Variants in NCAPD2 observed in about 807,000 individuals in gnomAD.
The protein encoded by NCAPD2 is condensin complex subunit 1.
A neutral mutation model predicts 164.5 loss-of-function variants in NCAPD2; 100 were observed. That is an observed-to-expected ratio of 0.61 (90% CI 0.52 to 0.72). The LOEUF (loss-of-function observed/expected upper bound fraction) is 0.72, where lower values mean the gene tolerates loss of function less well. Among genes scored for constraint, NCAPD2 ranks in the 30% least tolerant of loss-of-function variants. NCAPD2 has a pLI of 0.00. For missense variants in NCAPD2, 1,560 were observed against 1,749.2 expected (o/e 0.89, Z 1.93); for synonymous variants, 585 against 642.6 (o/e 0.91, Z 1.36).
Position 6,507,879 on chromosome 12 carries a change from G to A in NCAPD2, c.128-1838G>A, listed in dbSNP as rs148096319. Among the ~76,000 whole-genome samples, 144 of 152,222 alleles carry A rather than the reference G, an allele frequency of 9.5e-4. 1 individual carries two copies. The highest frequency in any genetic ancestry group is 3.3e-3 in the African/African-American group (136 of 41,540). ...AAAGGAAAAAAGGTTGTGGGGGAGTGCTATGAATTAAAGAATAGAGGATTG... is the reference window on the plus strand; with the variant it reads ...AAAGGAAAAAAGGTTGTGGGGGAGTACTATGAATTAAAGAATAGAGGATTG... On this transcript the variant is annotated intron_variant, in intron 2 of 31. Transcript: ENST00000315579.
chr12:6,522,714 G>A (rs1054980962), intron 15 of NCAPD2, 114 bp from the exon 16 acceptor site: 96 of 1,164,910 alleles, frequency 8.2e-5, no homozygotes, highest in Non-Finnish European at 1.1e-4. Context: ...GACATTCTCA[G>A]GGAAAATGCG....
intron 13 of NCAPD2, 48 bp from the exon 14 acceptor site, chr12:6,520,938 G>A (rs561413815): frequency 4.3e-6 from 7 of 1,611,200 alleles, no homozygotes; most frequent in African/African-American, 4.0e-5. Context: ...CCTTACAAAC[G>A]GCTGCAGTGA....
Position 6,517,012 on chromosome 12 carries a change from T to A in NCAPD2, c.1172T>A (p.Ile391Asn). The A allele has an allele frequency of 6.2e-7, 1 of 1,614,148 alleles. No homozygotes were observed. Among genetic ancestry groups the A allele is most frequent in the Non-Finnish European group, 8.5e-7 (1 of 1,180,028 alleles). The change falls in exon 10 of 32, where the codon ATT becomes AAT. Residue 391 changes from isoleucine (I) to asparagine (N), a missense_variant. Transcript: ENST00000315579. The stretch of plus-strand genomic sequence containing the variant: ...CGTGTTTTGCAGCTCTTCACCCGAA[T>A]TGTCCAGCAGAAGGTAACCAACTTC... The part of the protein sequence containing the change: ...RSRVLQLFTR[I>N]VQQKALPLTR...
intron 22 of NCAPD2, among the ~76,000 whole-genome samples, chr12:6,527,412 C>T (rs1296381164): frequency 6.6e-6 from 1 of 152,236 alleles, no homozygotes; most frequent in Non-Finnish European, 1.5e-5. Flanking sequence ...GTGTTCCCTC[C>T]ACTAGAGGCA....
intron 4 of NCAPD2, 70 bp from the exon 5 acceptor site, chr12:6,510,559 C>G (rs758131692): frequency 6.6e-7 from 1 of 1,523,778 alleles, no homozygotes. Flanking sequence ...GCTGCAAGTG[C>G]TGGGTGTTTT....
Position 6,495,271 on chromosome 12 carries a change from A to G in NCAPD2, c.127+46A>G, listed in dbSNP as rs775414743. ...CTGTACCTAGCTCTTTCAAAGGACC[A>G]TCTCACATGGAATTGCTACATTGTC... On this transcript the variant is annotated intron_variant, in intron 2 of 31. Transcript: ENST00000315579. 4 of 1,604,606 alleles carry G rather than the reference A, an allele frequency of 2.5e-6. No individual in the cohort carries two copies. The South Asian group carries it at 3.3e-5, about 13-fold the overall frequency.
chr12:6,523,676 C>T (rs1403706843), intron 17 of NCAPD2, among the ~76,000 whole-genome samples: 1 of 152,188 alleles, frequency 6.6e-6, no homozygotes, highest in African/African-American at 2.4e-5. Context: ...GGATTACAGG[C>T]GTGAGCCAAA....
Position 6,514,374 on chromosome 12 carries a change from C to T in NCAPD2, c.697C>T (p.Arg233Cys), listed in dbSNP as rs764486667. 7.4e-6 allele frequency: 12 copies of T among 1,614,052 alleles called. No individual in the cohort carries two copies. Among genetic ancestry groups the T allele is most frequent in the Middle Eastern group, 3.3e-4 (2 of 6,084 alleles). The change falls in exon 7 of 32, where the codon CGT (arginine) becomes TGT (cysteine). Residue 233 changes from arginine to cysteine, a missense_variant. Arg to Cys is a radical substitution (Grantham distance 180). Coordinates refer to ENST00000315579, the MANE Select transcript of NCAPD2 (RefSeq NM_014865.4). ...ITHLLGVALTRYNHMLSATVK... is the reference protein window; with the variant it reads ...ITHLLGVALTCYNHMLSATVK... ...ACACCTGCTTGGTGTAGCCTTGACC[C>T]GTTATAACCATATGCTCAGTAAGTT...
intron 15 of NCAPD2, 50 bp from the exon 16 acceptor site, chr12:6,522,778 T>C (rs1418514870): frequency 1.3e-6 from 2 of 1,593,586 alleles, no homozygotes; most frequent in Non-Finnish European, 1.7e-6. Flanking sequence ...CGTTAGGTAT[T>C]GGGGGAGTTT....
rs550762161 is a variant in NCAPD2, at chr12:6,528,111, C to G, written c.3143+20C>G. ...GATCAGGTAGGCCGTGGGGTTGGTA[C>G]CCCCTTCTCAAGGAAGATGGGGATG... On this transcript the variant is annotated intron_variant, in intron 24 of 31. Transcript: ENST00000315579. The surrounding 1 kb of genome is among the most constrained non-coding windows in gnomAD (Gnocchi z 5.1). 6.2e-7 allele frequency: 1 copy of G among 1,614,074 alleles called. No individual in the cohort carries two copies. The highest frequency in any genetic ancestry group is 8.5e-7 in the Non-Finnish European group (1 of 1,180,028).
intron 2 of NCAPD2, among the ~76,000 whole-genome samples, chr12:6,504,950 C>G (rs1946085637): frequency 6.6e-6 from 1 of 152,136 alleles, no homozygotes; most frequent in African/African-American, 2.4e-5. Flanking sequence ...GGAACACTTC[C>G]AGCATCACTA....
In NCAPD2 at chr12:6,527,040, A is replaced by C; in HGVS notation, c.2884A>C (p.Lys962Gln). Reference protein sequence around the residue: ...RRVLREEQEHKTKDPKEKNTS... With the variant: ...RRVLREEQEHQTKDPKEKNTS... ...AGTTCTCCGGGAAGAACAGGAGCAC[A>C]AGACCAAAGATCCCAAGGAGAAGGT... The change falls in exon 22 of 32, where the codon AAG (lysine) becomes CAG (glutamine). Residue 962 changes from lysine (K) to glutamine (Q), a missense_variant. Transcript: ENST00000315579. The C allele has an allele frequency of 1.2e-6, 2 of 1,612,600 alleles. No homozygotes were observed. Among genetic ancestry groups the C allele is most frequent in the Non-Finnish European group, 1.7e-6 (2 of 1,179,084 alleles).
chr12:6,521,669 G>A, intron 14 of NCAPD2, 129 bp from the exon 15 acceptor site: 4 of 1,197,978 alleles, frequency 3.3e-6, no homozygotes, highest in Non-Finnish European at 3.5e-6. Context: ...CTAGGCAACA[G>A]AGTGAGACCC....
intron 2 of NCAPD2, 38 bp from the exon 3 acceptor site, chr12:6,509,679 C>T (rs761818336): frequency 1.9e-6 from 3 of 1,582,904 alleles, no homozygotes; most frequent in Non-Finnish European, 2.6e-6. Context: ...AAAGGTTTCT[C>T]TTCCCTCCAA....
chr12:6,527,704 C>A, intron 22 of NCAPD2, 73 bp from the exon 23 acceptor site: 1 of 1,410,568 alleles, frequency 7.1e-7, no homozygotes, highest in Non-Finnish European at 9.8e-7. Flanking sequence ...TTTGTTCATG[C>A]AAAACAAAGT....
intron 6 of NCAPD2, among the ~76,000 whole-genome samples, chr12:6,511,945 T>C (rs894303729): frequency 2.4e-4 from 34 of 142,390 alleles, no homozygotes; most frequent in African/African-American, 9.0e-4. Context: ...GATCGCACCA[T>C]TGCACTCCAT....
At chr12:6,513,715 C>CTTTTTTGTTTTTTTTTTTTTTTTTTT (rs1946171982) in intron 6 of NCAPD2, among the ~76,000 whole-genome samples, 2 of 74,894 alleles carry the variant, frequency 2.7e-5, no homozygotes, top group Admixed American at 1.6e-4. Context: ...GTGACTTTGT[C>CTTTTTTGTTTTTTTTTTTTTTTTTTT]TTTTTTTTTT....
intron 9 of NCAPD2, among the ~76,000 whole-genome samples, chr12:6,515,964 A>G (rs10735059): frequency 0.71 from 107,450 of 151,390 alleles, 38,158 homozygotes; most frequent in African/African-American, 0.76. Flanking sequence ...GGCTGAGGTG[A>G]GTGGATCACT....
chr12:6,518,124 C>A, intron 13 of NCAPD2, 165 bp downstream of exon 13: 1 of 591,316 alleles, frequency 1.7e-6, no homozygotes, highest in Non-Finnish European at 2.9e-6. Flanking sequence ...GCCTAGTCCA[C>A]AATTAAGCAT....
Sources: gnomAD v4.1 joint callset for allele counts (sites outside exome capture counted in the v4.1 genomes callset) on GRCh38, gnomAD v4.1.1 for gene constraint, Gnocchi (gnomAD v3.1) non-coding constraint, MANE v1.5 for transcripts, NCBI Gene and HGNC (gene_info 2026-07-23, HGNC 2026-07-21) for gene names.